The following RPS6KC1 variants were observed in gnomAD, a reference collection of about 807,000 sequenced individuals.
RPS6KC1 encodes the protein inactive ribosomal protein S6 kinase delta-1.
In RPS6KC1, 54 loss-of-function variants were observed where a neutral mutation model predicts 103.8. The observed-to-expected ratio is 0.52, with a 90% CI of 0.42 to 0.65. The LOEUF is 0.65. Ranked by LOEUF, RPS6KC1 falls within the 30% of genes least tolerant of loss-of-function variation. The probability of loss-of-function intolerance (pLI) is 0.00; values close to 1 mark genes in which losing one functional copy is unlikely to be tolerated. For synonymous variants in RPS6KC1, 439 were observed against 438.7 expected (o/e 1.00, Z -0.01); for missense variants, 1,151 against 1,253.8 (o/e 0.92, Z 1.24).
At chr1:213,170,421 A>G (rs1319520301) in intron 7 of RPS6KC1, among the ~76,000 whole-genome samples, 1 of 152,238 alleles carries the variant, frequency 6.6e-6, no homozygotes, top group Non-Finnish European at 1.5e-5. Flanking sequence ...TTAAGACTGT[A>G]TATAGAATCA....
chr1:213,856,157 A>T, the RPS6KC1 span, among the ~76,000 whole-genome samples: 1 of 152,032 alleles, frequency 6.6e-6, no homozygotes, highest in Non-Finnish European at 1.5e-5. Context: ...TTTCACTATA[A>T]CTCTGTGGAC....
the RPS6KC1 span, among the ~76,000 whole-genome samples, chr1:213,284,148 ATGAGT>A: frequency 2.6e-5 from 4 of 152,260 alleles, no homozygotes; most frequent in African/African-American, 9.6e-5. Context: ...AAGCTCAGAA[ATGAGT>A]TGACAACTCA....
chr1:213,540,538 A>T, the RPS6KC1 span, among the ~76,000 whole-genome samples: 1 of 151,982 alleles, frequency 6.6e-6, no homozygotes, highest in South Asian at 2.1e-4. Context: ...TTTGATAGAG[A>T]TGGGGTTTTG....
chr1:213,363,749 C>CTT, the RPS6KC1 span, among the ~76,000 whole-genome samples: 29 of 60,716 alleles, frequency 4.8e-4, 1 homozygote, highest in East Asian at 2.2e-3. Flanking sequence ...TCTCTTCTTT[C>CTT]TCTTTCTCTC....
the RPS6KC1 span, among the ~76,000 whole-genome samples, chr1:213,702,157 AT>A: frequency 6.6e-6 from 1 of 151,404 alleles, no homozygotes; most frequent in African/African-American, 2.4e-5. Context: ...TTTCTTTTTA[AT>A]TTTTTTCATT....
At chr1:213,493,546 C>G in the RPS6KC1 span, among the ~76,000 whole-genome samples, 38,402 of 152,100 alleles carry the variant, frequency 0.25, 5,500 homozygotes, top group Middle Eastern at 0.39. Context: ...ATGAAACAGA[C>G]ATAATCGGGA....
chr1:213,167,661 A>G (rs1339069718), intron 6 of RPS6KC1, among the ~76,000 whole-genome samples, 197 bp from the exon 7 acceptor site: 1 of 152,230 alleles, frequency 6.6e-6, no homozygotes, highest in African/African-American at 2.4e-5. Context: ...GAATGTTAGA[A>G]TTTGGATAAA....
the RPS6KC1 span, among the ~76,000 whole-genome samples, chr1:213,534,876 C>T: frequency 6.6e-6 from 1 of 152,190 alleles, no homozygotes; most frequent in African/African-American, 2.4e-5. Flanking sequence ...ATTTCAGAGC[C>T]TGCTGGTAAC....
At chr1:213,420,016 T>C in the RPS6KC1 span, among the ~76,000 whole-genome samples, 1 of 152,212 alleles carries the variant, frequency 6.6e-6, no homozygotes, top group Non-Finnish European at 1.5e-5. Context: ...AGAAAAGATT[T>C]GACACAAATT....
chr1:213,320,801 T>A, the RPS6KC1 span, among the ~76,000 whole-genome samples: 1 of 152,332 alleles, frequency 6.6e-6, no homozygotes, highest in East Asian at 1.9e-4. Flanking sequence ...CCTCAATCAC[T>A]TATGCAGCAT....
the RPS6KC1 span, among the ~76,000 whole-genome samples, chr1:213,736,301 C>T: frequency 6.6e-6 from 1 of 152,176 alleles, no homozygotes; most frequent in African/African-American, 2.4e-5. Flanking sequence ...GCCGTGTTCT[C>T]ATGGGGAGGC....
chr1:213,829,672 T>C, the RPS6KC1 span, among the ~76,000 whole-genome samples: 1 of 152,108 alleles, frequency 6.6e-6, no homozygotes, highest in East Asian at 1.9e-4. Flanking sequence ...GAAATTTATC[T>C]CCAAGGGAGC....
chr1:213,732,358 TGC>T, the RPS6KC1 span, among the ~76,000 whole-genome samples: 2,577 of 150,600 alleles, frequency 0.017, 67 homozygotes, highest in African/African-American at 0.06. Flanking sequence ...AGTGTGCGTG[TGC>T]GTGTGTGTGT....
chr1:213,213,032 A>G (rs557960637), intron 8 of RPS6KC1, among the ~76,000 whole-genome samples: 1 of 152,212 alleles, frequency 6.6e-6, no homozygotes, highest in African/African-American at 2.4e-5. Flanking sequence ...CATTCTCTTG[A>G]CATTGTTTTT....
chr1:213,153,313 A>C (rs545805243), intron 6 of RPS6KC1, among the ~76,000 whole-genome samples: 2 of 142,310 alleles, frequency 1.4e-5, no homozygotes, highest in South Asian at 5.2e-4. Flanking sequence ...AGGCAGGGGC[A>C]GGGGCAGGGG....
chr1:213,654,379 C>T, the RPS6KC1 span, among the ~76,000 whole-genome samples: 1 of 152,180 alleles, frequency 6.6e-6, no homozygotes. Context: ...AAATGTAGGT[C>T]AGAAAGCAAT....
the RPS6KC1 span, among the ~76,000 whole-genome samples, chr1:213,570,559 C>G: frequency 6.6e-6 from 1 of 152,092 alleles, no homozygotes; most frequent in Non-Finnish European, 1.5e-5. Context: ...TTTAATGCCC[C>G]CTACGAAACA....
At chr1:213,376,479 A>C in the RPS6KC1 span, among the ~76,000 whole-genome samples, 16 of 151,996 alleles carry the variant, frequency 1.1e-4, no homozygotes, top group Admixed American at 9.8e-4. Flanking sequence ...GGTAGAAGAC[A>C]GTTTTCCTCA....
intron 8 of RPS6KC1, among the ~76,000 whole-genome samples, chr1:213,228,357 A>C (rs547929102): frequency 1.3e-5 from 2 of 152,258 alleles, no homozygotes; most frequent in African/African-American, 2.4e-5. Context: ...GCTTCTACAT[A>C]ATAAGAATGC....
Sources: gnomAD v4.1 joint callset for allele counts (sites outside exome capture counted in the v4.1 genomes callset) on GRCh38, gnomAD v4.1.1 for gene constraint, MANE v1.5 for transcripts, NCBI Gene and HGNC (gene_info 2026-07-23, HGNC 2026-07-21) for gene names.